The following KCND2 variants were observed in gnomAD, a reference collection of about 807,000 sequenced individuals.
KCND2 encodes the protein potassium voltage-gated channel subfamily D member 2, also known as A-type voltage-gated potassium channel KCND2.
A neutral mutation model predicts 54.4 loss-of-function variants in KCND2; 16 were observed. The observed-to-expected ratio is 0.29, with a 90% confidence interval of 0.20 to 0.45. The LOEUF (loss-of-function observed/expected upper bound fraction) is 0.45, where lower values mean the gene tolerates loss of function less well. Among genes scored for constraint, KCND2 ranks in the 20% least tolerant of loss-of-function variants. The pLI is 1.00. For missense variants in KCND2, 486 were observed against 824.2 expected, an observed-to-expected ratio of 0.59 and a Z score of 5.02; for synonymous variants, 317 against 310.7, an observed-to-expected ratio of 1.02 and a Z score of -0.21.
At position 120,677,516 on chromosome 7, in the gene KCND2, A is replaced by AAT. The variant is rs528603766; in HGVS notation, c.1116-55375_1116-55374dup. On this transcript the variant is annotated intron_variant, in intron 1 of 5. Transcript: ENST00000331113. ...TGTGACCATTGGTGGTAAGAATTCAAATATATATATATAGATATAGATATA... is the reference window on the plus strand; with the variant it reads ...TGTGACCATTGGTGGTAAGAATTCAAATATATATATATATAGATATAGATATA... Among the ~76,000 whole-genome samples, 193 of 129,630 alleles carry AAT rather than the reference A, an allele frequency of 1.5e-3. 3 individuals carry two copies. The South Asian group carries it at 0.042, about 28-fold the overall frequency. 85.0% of individuals were successfully genotyped at this position (129,630 alleles called of 152,430 possible).
chr7:120,694,434 C>T (rs1200104039), intron 1 of KCND2, among the ~76,000 whole-genome samples: 1 of 152,094 alleles, frequency 6.6e-6, no homozygotes, highest in Non-Finnish European at 1.5e-5. Context: ...CTTATAAATC[C>T]TTTCTTCTAT....
intron 1 of KCND2, among the ~76,000 whole-genome samples, chr7:120,586,714 T>C (rs1389072856): frequency 1.3e-5 from 2 of 152,186 alleles, no homozygotes; most frequent in Non-Finnish European, 2.9e-5. Flanking sequence ...AGAGGATTTT[T>C]TTCTTCTTCT....
chr7:120,420,262 A>G (rs1164509941), intron 1 of KCND2, among the ~76,000 whole-genome samples: 8 of 152,220 alleles, frequency 5.3e-5, no homozygotes, highest in Non-Finnish European at 1.2e-4. Context: ...CAGACATTTT[A>G]CTAATTTTTA....
At chr7:120,362,508 GT>G (rs1264614854) in intron 1 of KCND2, among the ~76,000 whole-genome samples, 1 of 152,068 alleles carries the variant, frequency 6.6e-6, no homozygotes, top group Admixed American at 6.6e-5. Context: ...GTATTTCCAA[GT>G]AAAAATATGT....
intron 1 of KCND2, among the ~76,000 whole-genome samples, chr7:120,588,059 A>G (rs970503767): frequency 1.3e-4 from 20 of 152,136 alleles, no homozygotes; most frequent in South Asian, 2.1e-4. Flanking sequence ...TGACAAAACT[A>G]CCTGTTTTTA....
intron 1 of KCND2, among the ~76,000 whole-genome samples, chr7:120,655,890 C>G (rs2116552198): frequency 6.6e-6 from 1 of 152,138 alleles, no homozygotes; most frequent in Non-Finnish European, 1.5e-5. Flanking sequence ...TTATGTACAT[C>G]TATATTTCTA....
chr7:120,411,791 G>T lies in KCND2; in HGVS notation c.1115+136044G>T, dbSNP rs558845768. Among the ~76,000 whole-genome samples, 8 of 152,002 alleles carry T rather than the reference G, an allele frequency of 5.3e-5. No individual in the cohort carries two copies. The South Asian group carries it at 1.0e-3, about 20-fold the overall frequency. ...TTACAGATGAAGAAATTGGGTATTG[G>T]AAATATAGTACATTTTTTAATATTA... On this transcript the variant is annotated intron_variant, in intron 1 of 5. Transcript: ENST00000331113.
At chr7:120,604,137 T>G (rs1229035275) in intron 1 of KCND2, among the ~76,000 whole-genome samples, 1 of 152,142 alleles carries the variant, frequency 6.6e-6, no homozygotes, top group Non-Finnish European at 1.5e-5. Context: ...TTCTAAAATG[T>G]TAGCCATTGC....
chr7:120,448,860 T>C (rs2116212581), intron 1 of KCND2, among the ~76,000 whole-genome samples: 1 of 152,336 alleles, frequency 6.6e-6, no homozygotes, highest in East Asian at 1.9e-4. Flanking sequence ...TGACTTTTTA[T>C]TTCATGTAAG....
intron 1 of KCND2, among the ~76,000 whole-genome samples, chr7:120,472,033 A>G (rs1802461881): frequency 6.6e-6 from 1 of 151,928 alleles, no homozygotes; most frequent in African/African-American, 2.4e-5. Context: ...AGAAATAAAA[A>G]GAAAAAACCA....
intron 1 of KCND2, among the ~76,000 whole-genome samples, chr7:120,648,511 GA>G (rs775252853): frequency 1.7e-4 from 26 of 152,138 alleles, no homozygotes; most frequent in Non-Finnish European, 3.1e-4. Flanking sequence ...ACAAGATGGA[GA>G]AAGATGGAAG....
At chr7:120,460,558 C>CT (rs67237835) in intron 1 of KCND2, among the ~76,000 whole-genome samples, 19,746 of 130,214 alleles carry the variant, frequency 0.15, 1,680 homozygotes, top group African/African-American at 0.23. Context: ...CCACCACGGC[C>CT]TTTTTTTTTT....
intron 1 of KCND2, among the ~76,000 whole-genome samples, chr7:120,563,171 T>A (rs1250140398): frequency 6.6e-6 from 1 of 152,180 alleles, no homozygotes; most frequent in African/African-American, 2.4e-5. Flanking sequence ...AGAGAAAAGC[T>A]TGATCACCAT....
chr7:120,273,168 G>T (rs1034305128), upstream of KCND2, among the ~76,000 whole-genome samples: 4 of 152,170 alleles, frequency 2.6e-5, no homozygotes, highest in Non-Finnish European at 5.9e-5. Context: ...GGCAGGAGAC[G>T]CCTTTCCTAA....
chr7:120,561,598 ATTTTTTTTT>A lies in KCND2; in HGVS notation c.1116-171283_1116-171275del, dbSNP rs57015988. ...ACATTCTTAAACATTAAGCTACCTG[ATTTTTTTTT>A]TTTTTTTTTTTTTTTTTTTTTGAGA... On this transcript the variant is annotated intron_variant, in intron 1 of 5. Transcript: ENST00000331113. Among the ~76,000 whole-genome samples the A allele has an allele frequency of 2.7e-4, 13 of 47,332 alleles. No individual in the cohort carries two copies. The East Asian group carries it at 5.6e-3, about 20-fold the overall frequency. The allele number at this position is 47,332 out of a possible 152,430, so 31.1% of individuals were successfully genotyped here.
At chr7:120,407,072 T>G (rs1801371964) in intron 1 of KCND2, among the ~76,000 whole-genome samples, 1 of 151,870 alleles carries the variant, frequency 6.6e-6, no homozygotes, top group Admixed American at 6.6e-5. Flanking sequence ...AAAAAAAAAT[T>G]TCCTATAATA....
intron 1 of KCND2, among the ~76,000 whole-genome samples, chr7:120,599,629 C>G (rs1295807313): frequency 1.3e-5 from 2 of 151,970 alleles, no homozygotes; most frequent in Non-Finnish European, 2.9e-5. Context: ...GTGTTTCTTG[C>G]AAGTATACAA....
intron 1 of KCND2, among the ~76,000 whole-genome samples, chr7:120,467,054 A>G (rs1315938110): frequency 5.3e-5 from 8 of 152,140 alleles, no homozygotes; most frequent in Non-Finnish European, 1.2e-4. Context: ...TTCCACCTCA[A>G]AATCCTTAAC....
intron 1 of KCND2, among the ~76,000 whole-genome samples, chr7:120,367,909 T>TA (rs772132454): frequency 1.3e-4 from 20 of 152,126 alleles, no homozygotes; most frequent in Non-Finnish European, 2.1e-4. Flanking sequence ...TCCTGACAAA[T>TA]ATCTGCTTTA....
Sources: allele counts gnomAD v4.1 joint callset (sites outside exome capture counted in the v4.1 genomes callset), GRCh38; gene constraint gnomAD v4.1.1; transcripts MANE v1.5; gene names NCBI Gene and HGNC (gene_info 2026-07-23, HGNC 2026-07-21).